The following COL19A1 variants were observed in gnomAD, a reference collection of about 807,000 sequenced individuals.
The protein encoded by COL19A1 is collagen type XIX alpha 1 chain, also known as collagen alpha-1(XIX) chain.
A neutral mutation model predicts 190.2 loss-of-function variants in COL19A1; 159 were observed. The ratio of observed to expected loss-of-function variants is 0.84; its 90% CI spans 0.73 to 0.95. The LOEUF is 0.95. COL19A1 is among the 40% of genes least tolerant of loss of function. The probability of loss-of-function intolerance (pLI) is 0.00; values close to 1 mark genes in which losing one functional copy is unlikely to be tolerated. For missense variants in COL19A1, 1,418 were observed against 1,431.9 expected (o/e 0.99, Z 0.16); for synonymous variants, 509 against 458.9 (o/e 1.11, Z -1.39).
At chr6:69,957,640 T>G (rs1196186982) in intron 9 of COL19A1, among the ~76,000 whole-genome samples, 2 of 152,194 alleles carry the variant, frequency 1.3e-5, no homozygotes, top group Admixed American at 1.3e-4. Context: ...AATAATGAAC[T>G]AAAGTATTGA....
chr6:69,992,523 G>C (rs1776685182), intron 11 of COL19A1, among the ~76,000 whole-genome samples: 1 of 152,008 alleles, frequency 6.6e-6, no homozygotes, highest in Non-Finnish European at 1.5e-5. Flanking sequence ...AAATAGCATT[G>C]AATCTATAAA....
intron 14 of COL19A1, among the ~76,000 whole-genome samples, chr6:70,061,233 A>C (rs1780811697): frequency 1.3e-5 from 2 of 152,138 alleles, no homozygotes; most frequent in South Asian, 4.1e-4. Flanking sequence ...TATTAAAATT[A>C]TTTTTGCTTT....
chr6:70,207,324 G>C lies in COL19A1; in HGVS notation c.*50G>C. 6.6e-7 allele frequency: 1 copy of C among 1,522,920 alleles called. No individual in the cohort carries two copies. The highest frequency in any genetic ancestry group is 8.9e-7 in the Non-Finnish European group (1 of 1,122,862). The allele number at this position is 1,522,920 out of a possible 1,614,324, so 94.3% of individuals were successfully genotyped here. ...CTGGTAACATTTCCTTGCCACTGGAGCTCTCTTAATACCGTCAAACCCTCA... is the reference window on the plus strand; with the variant it reads ...CTGGTAACATTTCCTTGCCACTGGACCTCTCTTAATACCGTCAAACCCTCA... On this transcript the variant is annotated 3_prime_UTR_variant, in exon 51 of 51. Coordinates refer to ENST00000620364, the MANE Select transcript of COL19A1 (RefSeq NM_001858.6).
chr6:70,079,353 A>G (rs1266614478), intron 15 of COL19A1, among the ~76,000 whole-genome samples: 1 of 152,226 alleles, frequency 6.6e-6, no homozygotes, highest in African/African-American at 2.4e-5. Context: ...AAGCCCCTTA[A>G]GATGTGAGCT....
chr6:69,924,548 T>C (rs943126112), intron 4 of COL19A1, among the ~76,000 whole-genome samples: 1 of 152,164 alleles, frequency 6.6e-6, no homozygotes, highest in African/African-American at 2.4e-5. Context: ...TTGTGAATAG[T>C]GCCGCAATAA....
chr6:69,919,909 A>G (rs1220102862), intron 4 of COL19A1, among the ~76,000 whole-genome samples: 1 of 152,148 alleles, frequency 6.6e-6, no homozygotes, highest in Non-Finnish European at 1.5e-5. Context: ...CAAAATAGAA[A>G]AAATAATATT....
At chr6:69,904,085 G>A (rs940699285) in intron 4 of COL19A1, among the ~76,000 whole-genome samples, 2 of 152,144 alleles carry the variant, frequency 1.3e-5, no homozygotes, top group Non-Finnish European at 1.5e-5. Context: ...CCCCACATAT[G>A]GGGTGAGAAC....
At chr6:69,888,108 A>G (rs1038775182) in intron 2 of COL19A1, among the ~76,000 whole-genome samples, 2 of 152,176 alleles carry the variant, frequency 1.3e-5, no homozygotes, top group Non-Finnish European at 1.5e-5. Context: ...TCAGAGGCCT[A>G]TCTAAGGTTT....
chr6:70,114,332 G>A (rs1234080434), intron 16 of COL19A1, among the ~76,000 whole-genome samples: 3 of 152,174 alleles, frequency 2.0e-5, no homozygotes, highest in Non-Finnish European at 4.4e-5. Flanking sequence ...AGGTGGTTTA[G>A]GGGAAAGAGT....
At chr6:69,885,911 A>T (rs570026574) in intron 2 of COL19A1, among the ~76,000 whole-genome samples, 12 of 152,348 alleles carry the variant, frequency 7.9e-5, no homozygotes, top group Admixed American at 3.9e-4. Flanking sequence ...TAGTTCCCCA[A>T]CATTGACCTT....
intron 14 of COL19A1, among the ~76,000 whole-genome samples, chr6:70,038,104 T>C (rs774768497): frequency 5.9e-5 from 9 of 152,228 alleles, no homozygotes; most frequent in Non-Finnish European, 1.3e-4. Flanking sequence ...GTTGGTACAT[T>C]ATTAGTTGAA....
intron 11 of COL19A1, among the ~76,000 whole-genome samples, chr6:69,988,629 G>A (rs1278705458): frequency 2.6e-5 from 4 of 152,104 alleles, no homozygotes; most frequent in Non-Finnish European, 2.9e-5. Flanking sequence ...GAATAAAAAG[G>A]AACTAGAAAA....
chr6:70,087,956 G>A (rs531503129), intron 15 of COL19A1, among the ~76,000 whole-genome samples: 3 of 152,156 alleles, frequency 2.0e-5, no homozygotes, highest in Admixed American at 6.5e-5. Context: ...AGGATTTGGG[G>A]TATATTTTTC....
rs889478066 is a variant in COL19A1, at chr6:70,125,789, G to A, written c.1341+3847G>A. ...CTGCTCCCATTCTGCAAGATTGTTC[G>A]CAAAGAAGCAACAATGCTGAGCATA... On this transcript the variant is annotated intron_variant, in intron 17 of 50. Transcript: ENST00000620364. Among the ~76,000 whole-genome samples, 9 of 152,190 alleles carry A rather than the reference G, an allele frequency of 5.9e-5. No individual in the cohort carries two copies. In the South Asian group the frequency reaches 1.2e-3, roughly 21 times the overall value.
intron 4 of COL19A1, among the ~76,000 whole-genome samples, chr6:69,904,951 G>A (rs537712075): frequency 1.1e-4 from 17 of 152,182 alleles, no homozygotes; most frequent in African/African-American, 2.2e-4. Context: ...GTGGAGGTGC[G>A]TTCCTTCTCG....
chr6:70,142,993 A>C (rs1786363419), intron 23 of COL19A1, among the ~76,000 whole-genome samples, 173 bp downstream of exon 23: 1 of 152,092 alleles, frequency 6.6e-6, no homozygotes, highest in South Asian at 2.1e-4. Context: ...GGAAGACTAG[A>C]CCCTTCATAT....
intron 15 of COL19A1, among the ~76,000 whole-genome samples, chr6:70,075,347 T>C (rs952405496): frequency 1.3e-5 from 2 of 152,314 alleles, no homozygotes; most frequent in Middle Eastern, 3.4e-3. Flanking sequence ...TTTGCAGAGC[T>C]CCATGGTGGA....
intron 14 of COL19A1, among the ~76,000 whole-genome samples, chr6:70,041,033 G>A (rs1199165788): frequency 6.6e-6 from 1 of 151,634 alleles, no homozygotes; most frequent in East Asian, 1.9e-4. Flanking sequence ...ATAGAGATAC[G>A]GAAAAAAAGA....
intron 34 of COL19A1, among the ~76,000 whole-genome samples, chr6:70,156,961 T>C (rs1367401933): frequency 6.6e-6 from 1 of 152,098 alleles, no homozygotes; most frequent in East Asian, 1.9e-4. Context: ...TCAGTTATAA[T>C]TTTTCTGTTT....
Sources: allele counts gnomAD v4.1 joint callset (sites outside exome capture counted in the v4.1 genomes callset), GRCh38; gene constraint gnomAD v4.1.1; transcripts MANE v1.5; gene names NCBI Gene and HGNC (gene_info 2026-07-23, HGNC 2026-07-21).